PHF2: variants seen among roughly 807,000 people sequenced by gnomAD.
PHF2 encodes the protein PHD finger protein 2.
In PHF2, 27 loss-of-function variants were observed where a neutral mutation model predicts 120.5. The observed-to-expected ratio is 0.22, with a 90% CI of 0.17 to 0.31. PHF2 has a LOEUF of 0.31. PHF2 is among the 10% of genes least tolerant of loss of function. PHF2 has a pLI of 1.00. For missense variants in PHF2, 1,024 were observed against 1,434.8 expected (o/e 0.71, Z 4.63); for synonymous variants, 568 against 592.5 (o/e 0.96, Z 0.60).
intron 18 of PHF2, 29 bp downstream of exon 18, chr9:93,673,891 C>A: frequency 6.5e-7 from 1 of 1,547,182 alleles, no homozygotes; most frequent in Non-Finnish European, 8.8e-7. Context: ...TGGGGCAGGG[C>A]CCATGCTCAG....
chr9:93,608,576 T>G (rs1337582992), intron 1 of PHF2, among the ~76,000 whole-genome samples: 1 of 152,102 alleles, frequency 6.6e-6, no homozygotes. Context: ...CTGAGCCTGG[T>G]GCTTTATATT....
intron 1 of PHF2, among the ~76,000 whole-genome samples, chr9:93,584,733 G>A (rs917192554): frequency 2.6e-5 from 4 of 152,116 alleles, no homozygotes; most frequent in Non-Finnish European, 4.4e-5. Context: ...GGCTCCTTGC[G>A]TTCCATATGA....
At chr9:93,590,818 C>T (rs1240341024) in intron 1 of PHF2, among the ~76,000 whole-genome samples, 3 of 152,218 alleles carry the variant, frequency 2.0e-5, no homozygotes, top group Non-Finnish European at 4.4e-5. Flanking sequence ...TCTCCTCAGC[C>T]CCTCTGGTTG....
intron 4 of PHF2, among the ~76,000 whole-genome samples, chr9:93,647,496 G>A (rs1350588100): frequency 2.0e-5 from 3 of 152,116 alleles, no homozygotes; most frequent in African/African-American, 7.2e-5. Context: ...CAAAATTAGA[G>A]AAACAGTAAG....
intron 2 of PHF2, among the ~76,000 whole-genome samples, chr9:93,632,204 C>T (rs1243969910): frequency 6.6e-6 from 1 of 152,208 alleles, no homozygotes; most frequent in African/African-American, 2.4e-5. Context: ...GCAGCTAAAA[C>T]CTCAGTGCAG....
chr9:93,626,865 C>G (rs10992807), intron 1 of PHF2, among the ~76,000 whole-genome samples: 36,352 of 152,140 alleles, frequency 0.24, 5,071 homozygotes, highest in South Asian at 0.54. Flanking sequence ...GTCTAGGAAC[C>G]CTTGTCAAAA....
intron 3 of PHF2, among the ~76,000 whole-genome samples, chr9:93,636,824 C>A (rs1436628413): frequency 6.6e-6 from 1 of 152,260 alleles, no homozygotes; most frequent in Non-Finnish European, 1.5e-5. Context: ...ATGCCCAGCA[C>A]ATGCCAGGTA....
chr9:93,639,327 G>A (rs1280919867), intron 3 of PHF2, among the ~76,000 whole-genome samples: 1 of 151,934 alleles, frequency 6.6e-6, no homozygotes, highest in Non-Finnish European at 1.5e-5. Context: ...TATTCTTTTT[G>A]GTGCTTTTGT....
rs145102478 is a variant in PHF2, at chr9:93,667,889, C to G, written c.2348+649C>G. 5.1e-3 allele frequency among the ~76,000 whole-genome samples: 769 copies of G among 152,240 alleles called. 1 individual carries two copies. Among genetic ancestry groups the G allele is most frequent in the African/African-American group, 0.017 (708 of 41,524 alleles). On this transcript the variant is annotated intron_variant, in intron 17 of 21. Transcript: ENST00000359246. ...GTGACTTGGATTGAGGAAGATGGAG[C>G]CTGTGCTTGGGTCCTGCTCAGTTCC...
intron 1 of PHF2, among the ~76,000 whole-genome samples, chr9:93,626,560 A>C (rs1285324551): frequency 6.6e-6 from 1 of 152,162 alleles, no homozygotes; most frequent in Non-Finnish European, 1.5e-5. Context: ...AGTGTCCTTT[A>C]AGGCAAAAAA....
At chr9:93,660,117 C>T in intron 11 of PHF2, 75 bp from the exon 12 acceptor site, 1 of 1,446,386 alleles carries the variant, frequency 6.9e-7, no homozygotes, top group Non-Finnish European at 9.1e-7. Flanking sequence ...GTGTCTCCAG[C>T]ATCCTGGTGT....
Position 93,660,492 on chromosome 9 carries a change from A to G in PHF2, c.1630A>G (p.Asn544Asp), listed in dbSNP as rs2117991336. 1 of 1,589,218 alleles carries G rather than the reference A, an allele frequency of 6.3e-7. No individual in the cohort carries two copies. Among genetic ancestry groups the G allele is most frequent in the Non-Finnish European group, 8.5e-7 (1 of 1,170,200 alleles). ...GGAGTCAGCCTCACCCACCATCCCC[A>G]ACCTGGACCTGCTCGAAGCCCACAC... is the stretch of plus-strand genomic sequence containing the variant. ...SRESASPTIP[N>D]LDLLEAHTKE... is the part of the protein sequence containing the mutation. The change falls in exon 12 of 22, where the codon AAC becomes GAC. Residue 544 changes from asparagine (N) to aspartate (D), a missense_variant. Around this residue, in one of 2 missense-constraint regions of PHF2, gnomAD observed 677 missense variants for 857.4 expected, o/e 0.79. Transcript: ENST00000359246.
chr9:93,657,066 G>A (rs1030514652), intron 9 of PHF2, among the ~76,000 whole-genome samples: 15 of 152,194 alleles, frequency 9.9e-5, no homozygotes, highest in East Asian at 1.9e-4. Context: ...TGGCATCCCC[G>A]GGCCGCCCTT....
intron 1 of PHF2, among the ~76,000 whole-genome samples, chr9:93,596,778 T>C (rs536728685): frequency 1.3e-5 from 2 of 152,028 alleles, no homozygotes; most frequent in East Asian, 3.9e-4. Context: ...TTTTTTGTTT[T>C]GAGACAGTCT....
intron 2 of PHF2, among the ~76,000 whole-genome samples, chr9:93,631,346 AAT>A (rs1182385727): frequency 6.6e-6 from 1 of 152,174 alleles, no homozygotes; most frequent in Non-Finnish European, 1.5e-5. Flanking sequence ...AGCCTCAACA[AAT>A]ATGCAAGCGG....
intron 5 of PHF2, among the ~76,000 whole-genome samples, chr9:93,650,254 C>G (rs1826344566): frequency 1.3e-5 from 2 of 152,052 alleles, no homozygotes; most frequent in Non-Finnish European, 2.9e-5. Context: ...CATGGACACA[C>G]TTGTGGGCAC....
chr9:93,621,669 C>T (rs73522240), intron 1 of PHF2, among the ~76,000 whole-genome samples: 3,789 of 152,298 alleles, frequency 0.025, 65 homozygotes, highest in Middle Eastern at 0.041. Flanking sequence ...GCCTCTGAGT[C>T]CTTGTGCTGG....
chr9:93,619,924 C>T (rs1480175336), intron 1 of PHF2, among the ~76,000 whole-genome samples: 1 of 152,224 alleles, frequency 6.6e-6, no homozygotes. Context: ...GGCACCGCCT[C>T]TCTCAGCTCC....
intron 12 of PHF2, 127 bp from the exon 13 acceptor site, chr9:93,662,780 A>T: frequency 9.7e-7 from 1 of 1,033,742 alleles, no homozygotes; most frequent in Non-Finnish European, 1.5e-6. Flanking sequence ...GGATGCGTGG[A>T]TGGGTAGATG....
Sources: allele counts gnomAD v4.1 joint callset (sites outside exome capture counted in the v4.1 genomes callset), GRCh38; gene constraint gnomAD v4.1.1; regional missense constraint gnomAD v4.1.1; transcripts MANE v1.5; gene names NCBI Gene and HGNC (gene_info 2026-07-23, HGNC 2026-07-21).